Variants in ANO2 observed in about 807,000 individuals in gnomAD.
ANO2 encodes anoctamin-2.
ANO2 carries 101 observed loss-of-function variants against 124.2 expected under a neutral mutation model. That is an observed-to-expected ratio of 0.81 (90% confidence interval 0.69 to 0.96). The LOEUF is 0.96. ANO2 is among the 40% of genes least tolerant of loss of function. ANO2 has a pLI of 0.00. For missense variants in ANO2, 1,293 were observed against 1,274.5 expected, an observed-to-expected ratio of 1.01 and a Z score of -0.22; for synonymous variants, 486 against 482.5, an observed-to-expected ratio of 1.01 and a Z score of -0.09.
intron 10 of ANO2, among the ~76,000 whole-genome samples, chr12:5,762,509 T>A (rs1364795261): frequency 2.6e-5 from 4 of 151,916 alleles, no homozygotes; most frequent in African/African-American, 9.7e-5. Context: ...TATGCAAATA[T>A]AAAAGGAAAG....
chr12:5,822,230 G>C (rs1423989296), intron 7 of ANO2, among the ~76,000 whole-genome samples: 2 of 152,256 alleles, frequency 1.3e-5, no homozygotes, highest in African/African-American at 2.4e-5. Context: ...GGTTTGGTTG[G>C]ATGGTCAGGG....
At chr12:5,695,975 C>T (rs889702233) in intron 14 of ANO2, among the ~76,000 whole-genome samples, 1 of 151,922 alleles carries the variant, frequency 6.6e-6, no homozygotes, top group African/African-American at 2.4e-5. Context: ...CAGTGCCTGG[C>T]ACATAAATAT....
chr12:5,716,819 T>C (rs1044042990), intron 14 of ANO2, among the ~76,000 whole-genome samples: 2 of 152,122 alleles, frequency 1.3e-5, no homozygotes, highest in African/African-American at 4.8e-5. Flanking sequence ...GCAGAAGAAT[T>C]TCTTGGCCCT....
At chr12:5,773,906 A>G (rs1263653033) in intron 10 of ANO2, among the ~76,000 whole-genome samples, 1 of 152,198 alleles carries the variant, frequency 6.6e-6, no homozygotes, top group African/African-American at 2.4e-5. Flanking sequence ...TCACTGTTAA[A>G]TGAAAATGAC....
At chr12:5,820,540 C>A (rs1048627495) in intron 7 of ANO2, among the ~76,000 whole-genome samples, 1 of 152,198 alleles carries the variant, frequency 6.6e-6, no homozygotes, top group Non-Finnish European at 1.5e-5. Flanking sequence ...CTGGCAGAAC[C>A]CCCACATCGG....
At chr12:5,670,263 C>G (rs1253379724) in intron 14 of ANO2, among the ~76,000 whole-genome samples, 2 of 152,184 alleles carry the variant, frequency 1.3e-5, no homozygotes, top group African/African-American at 2.4e-5. Flanking sequence ...AAAGCATGTA[C>G]TATTAAATAG....
In ANO2 at chr12:5,658,916, C is replaced by T. The variant is rs909065220; in HGVS notation, c.1546-11115G>A. On this transcript the variant is annotated intron_variant, in intron 14 of 24. Transcript: ENST00000682330. The surrounding 1 kb of genome is among the most constrained non-coding windows in gnomAD (Gnocchi z 4.3). ...TTAAAATCATCATCAGCAACAGCAG[C>T]ATCATCATCATCATTGCTTTATCCA... Among the ~76,000 whole-genome samples the T allele has an allele frequency of 6.6e-6, 1 of 152,140 alleles. No homozygotes were observed. Among genetic ancestry groups the T allele is most frequent in the African/African-American group, 2.4e-5 (1 of 41,432 alleles).
At chr12:5,795,316 T>C (rs1409401607) in intron 10 of ANO2, among the ~76,000 whole-genome samples, 2 of 152,230 alleles carry the variant, frequency 1.3e-5, no homozygotes, top group Non-Finnish European at 2.9e-5. Flanking sequence ...AGCTGGCACA[T>C]TTCTAAGAGA....
chr12:5,932,731 G>A (rs982995105), intron 1 of ANO2, among the ~76,000 whole-genome samples: 3 of 151,998 alleles, frequency 2.0e-5, no homozygotes, highest in Non-Finnish European at 4.4e-5. Context: ...CAGTGAGGAA[G>A]GAAAGTAGAC....
At chr12:5,858,486 G>A (rs550074065) in intron 3 of ANO2, 1 of 152,138 alleles carries the variant, frequency 6.6e-6, no homozygotes, top group South Asian at 2.1e-4. Context: ...CACTAATTCT[G>A]GAATCTTCAC....
chr12:5,815,545 T>C (rs1475341501), intron 7 of ANO2, among the ~76,000 whole-genome samples: 3 of 152,124 alleles, frequency 2.0e-5, no homozygotes, highest in Non-Finnish European at 4.4e-5. Flanking sequence ...AAGCAGGAAA[T>C]TGTGTGATAG....
chr12:5,839,477 C>G (rs969280773), intron 4 of ANO2: 4 of 423,738 alleles, frequency 9.4e-6, no homozygotes, highest in Admixed American at 7.6e-5. Flanking sequence ...ACTCACCTAA[C>G]AAATTATAAA....
At chr12:5,935,356 T>G (rs7973835) in intron 1 of ANO2, among the ~76,000 whole-genome samples, 6,216 of 152,296 alleles carry the variant, frequency 0.041, 166 homozygotes, top group South Asian at 0.11. Context: ...AGAGGATTGT[T>G]CATGAAGGCA....
intron 4 of ANO2, among the ~76,000 whole-genome samples, chr12:5,833,971 A>C (rs748939269): frequency 1.3e-5 from 2 of 152,034 alleles, no homozygotes; most frequent in South Asian, 2.1e-4. Context: ...AAGTCTACGG[A>C]GGCGTCCTGA....
Position 5,737,153 on chromosome 12 carries a change from A to G in ANO2, c.1434+2164T>C, listed in dbSNP as rs144699065. 1.7e-3 allele frequency among the ~76,000 whole-genome samples: 254 copies of G among 152,370 alleles called. 1 individual carries two copies. The highest frequency in any genetic ancestry group is 2.9e-3 in the Admixed American group (45 of 15,306). On this transcript the variant is annotated intron_variant, in intron 13 of 24. Transcript: ENST00000682330. ...TGCTAATCCAAACTAGAAATGCATT[A>G]AAGGAAAAGTTGAGGCTGGCCTGTG...
In ANO2 at chr12:5,612,763, G is replaced by T; in HGVS notation, c.1987-7C>A. ...GACAGCCCCCTGGAGCACACTGCAG[G>T]GAGAAGATAAGGAAAGGACCGGTTA... On this transcript the variant is annotated splice_polypyrimidine_tract_variant and splice_region_variant and intron_variant, in intron 18 of 24. Coordinates refer to ENST00000682330, the MANE Select transcript of ANO2 (RefSeq NM_001364791.2). 1 of 1,613,676 alleles carries T rather than the reference G, an allele frequency of 6.2e-7. No homozygotes were observed. The highest frequency in any genetic ancestry group is 8.5e-7 in the Non-Finnish European group (1 of 1,179,688).
chr12:5,701,214 C>T (rs1488314110), intron 14 of ANO2, among the ~76,000 whole-genome samples: 1 of 146,580 alleles, frequency 6.8e-6, no homozygotes, highest in African/African-American at 2.5e-5. Flanking sequence ...CTACAGATAT[C>T]ATTTCCAAGC....
At chr12:5,605,106 A>C (rs1944154723) in intron 19 of ANO2, among the ~76,000 whole-genome samples, 1 of 152,128 alleles carries the variant, frequency 6.6e-6, no homozygotes, top group South Asian at 2.1e-4. Context: ...GTGGCTCCAC[A>C]GATCTTTAGC....
chr12:5,604,783 A>T (rs1944127576), intron 19 of ANO2, among the ~76,000 whole-genome samples: 1 of 152,202 alleles, frequency 6.6e-6, no homozygotes, highest in African/African-American at 2.4e-5. Flanking sequence ...AGCAGAATTT[A>T]ACAGGAATCC....
Sources: gnomAD v4.1 joint callset for allele counts (sites outside exome capture counted in the v4.1 genomes callset) on GRCh38, gnomAD v4.1.1 for gene constraint, Gnocchi (gnomAD v3.1) non-coding constraint, MANE v1.5 for transcripts, NCBI Gene and HGNC (gene_info 2026-07-23, HGNC 2026-07-21) for gene names.